Variants in MDN1 observed in about 807,000 individuals in gnomAD.
The protein encoded by MDN1 is midasin.
Under a neutral mutation model 669.2 loss-of-function variants are expected in MDN1, and 266 were observed. That is an observed-to-expected ratio of 0.40 (90% CI 0.36 to 0.44). The LOEUF is 0.44. MDN1 is among the 20% of genes least tolerant of loss of function. MDN1 has a pLI of 1.00. For synonymous variants in MDN1, 2,385 were observed against 2,457.1 expected, an observed-to-expected ratio of 0.97 and a Z score of 0.87; for missense variants, 5,940 against 6,754.0, an observed-to-expected ratio of 0.88 and a Z score of 4.22.
chr6:89,809,892 A>C (rs928237638), intron 1 of MDN1, among the ~76,000 whole-genome samples: 22 of 147,138 alleles, frequency 1.5e-4, no homozygotes, highest in Non-Finnish European at 2.7e-4. Context: ...ATGAGGCTAG[A>C]GTTGGGGGAA....
chr6:89,707,456 C>T lies in MDN1; in HGVS notation c.7919G>A (p.Arg2640Gln), dbSNP rs184227056. 30 of 1,611,810 alleles carry T rather than the reference C, an allele frequency of 1.9e-5. No individual in the cohort carries two copies. Among genetic ancestry groups the T allele is most frequent in the Middle Eastern group, 1.7e-4 (1 of 6,058 alleles). Residue 2640 changes from arginine (R) to glutamine (Q), a missense_variant, in exon 52 of 102, where the codon CGG becomes CAG. Physicochemically the swap from Arg to Gln is conservative, Grantham distance 43. Around this residue, in one of 5 missense-constraint regions of MDN1, gnomAD observed 2,292 missense variants for 2,638.3 expected, o/e 0.87. Transcript: ENST00000369393. ...AANKTIIYLD[R>Q]EKRVFTEANL... Reference sequence around the variant, plus strand: ...TGCTTCAGTAAAAACCCGTTTTTCCCGGTCAAGATATATGATTGTCCTGGA... The same window carrying T: ...TGCTTCAGTAAAAACCCGTTTTTCCTGGTCAAGATATATGATTGTCCTGGA...
At chr6:89,688,868 C>G (rs180791529) in intron 65 of MDN1, 60 bp from the exon 66 acceptor site, 6 of 1,408,900 alleles carry the variant, frequency 4.3e-6, no homozygotes, top group Non-Finnish European at 5.9e-6. Flanking sequence ...ATCAACATGT[C>G]AAAAAGATGT....
At position 89,794,559 on chromosome 6, in the gene MDN1, A is replaced by C; in HGVS notation, c.554+18T>G. The C allele has an allele frequency of 1.2e-6, 2 of 1,610,512 alleles. No homozygotes were observed. Among genetic ancestry groups the C allele is most frequent in the Non-Finnish European group, 1.7e-6 (2 of 1,178,264 alleles). On this transcript the variant is annotated intron_variant, in intron 3 of 101. Coordinates refer to ENST00000369393, the MANE Select transcript of MDN1 (RefSeq NM_014611.3). ...CATCCCCACACTAGAAGTGCAAAAAAGTCTAACAGCTACGCACCAGCGAAC... is the reference window on the plus strand; with the variant it reads ...CATCCCCACACTAGAAGTGCAAAAACGTCTAACAGCTACGCACCAGCGAAC...
At position 89,731,677 on chromosome 6, in the gene MDN1, G is replaced by A. The variant is rs1021452254; in HGVS notation, c.4943-754C>T. Among the ~76,000 whole-genome samples the A allele has an allele frequency of 3.3e-5, 5 of 152,028 alleles. No individual in the cohort carries two copies. In the East Asian group the frequency reaches 9.6e-4, roughly 29 times the overall value. On this transcript the variant is annotated intron_variant, in intron 34 of 101. Transcript: ENST00000369393. ...TAATGCATGAGGAGCTTAAAACCTA[G>A]ATGACGGGTTGATGGGTGCGGCAAA...
At chr6:89,780,349 T>C in intron 10 of MDN1, 56 bp from the exon 11 acceptor site, 1 of 1,122,706 alleles carries the variant, frequency 8.9e-7, no homozygotes, top group Admixed American at 2.7e-5. Flanking sequence ...GCCAAAGACA[T>C]CAAAGGCATC....
At chr6:89,720,124 G>A (rs527343896) in intron 40 of MDN1, among the ~76,000 whole-genome samples, 12 of 152,110 alleles carry the variant, frequency 7.9e-5, no homozygotes, top group African/African-American at 2.9e-4. Context: ...AAATAATATA[G>A]ATAAAATCAT....
In MDN1 at chr6:89,673,278, TA is replaced by T; in HGVS notation, c.13431del (p.Phe4477LeufsTer46). 1 of 1,614,206 alleles carries T rather than the reference TA, an allele frequency of 6.2e-7. No homozygotes were observed. Among genetic ancestry groups the T allele is most frequent in the Non-Finnish European group, 8.5e-7 (1 of 1,180,032 alleles). ...RGEISKAMAD[F>X]TTWKTHLLTS... is the part of the protein sequence containing the mutation. Reference sequence around the variant, plus strand: ...GTAAGCAGATGGGTCTTCCAGGTAGTAAAGTCAGCCATGGCTTTACTAATTT... The same window carrying T: ...GTAAGCAGATGGGTCTTCCAGGTAGTAAGTCAGCCATGGCTTTACTAATTT... On this transcript the variant is annotated frameshift_variant, in exon 80 of 102. Coordinates refer to ENST00000369393, the MANE Select transcript of MDN1 (RefSeq NM_014611.3). LOFTEE classifies it high-confidence loss of function.
Position 89,655,933 on chromosome 6 carries a change from T to C in MDN1, c.15321A>G (p.Glu5107=). Residue 5107 remains glutamate (E), a synonymous_variant, in exon 92 of 102, where the codon GAA becomes GAG. Coordinates refer to ENST00000369393, the MANE Select transcript of MDN1 (RefSeq NM_014611.3). ...FKRKPGQADN[E]RSMGDHNERV... is the part of the protein sequence containing the mutation. ...GCTCATTGTGATCACCCATGGAACGTTCATTGTCAGCCTGCCCAGGTTTCC... is the reference window on the plus strand; with the variant it reads ...GCTCATTGTGATCACCCATGGAACGCTCATTGTCAGCCTGCCCAGGTTTCC... 1 of 1,614,040 alleles carries C rather than the reference T, an allele frequency of 6.2e-7. No homozygotes were observed. The highest frequency in any genetic ancestry group is 8.5e-7 in the Non-Finnish European group (1 of 1,180,020).
At chr6:89,804,454 G>C (rs539144824) in intron 1 of MDN1, among the ~76,000 whole-genome samples, 17 of 152,156 alleles carry the variant, frequency 1.1e-4, no homozygotes, top group African/African-American at 3.9e-4. Context: ...AAAGCTACAC[G>C]ACTTATCTGA....
chr6:89,657,858 T>C (rs1562043392), intron 90 of MDN1, among the ~76,000 whole-genome samples: 1 of 152,226 alleles, frequency 6.6e-6, no homozygotes, highest in Non-Finnish European at 1.5e-5. Flanking sequence ...AATACTTACA[T>C]TGTGTTACAA....
intron 1 of MDN1, among the ~76,000 whole-genome samples, chr6:89,818,320 CAAAAAAAAAAAAA>C (rs60891640): frequency 1.5e-5 from 1 of 67,840 alleles, no homozygotes; most frequent in Non-Finnish European, 2.6e-5. Flanking sequence ...GCCTCCGTCT[CAAAAAAAAAAAAA>C]AAAAAAAAAA....
chr6:89,708,980 T>TTAA (rs1554184028), intron 50 of MDN1, among the ~76,000 whole-genome samples: 1 of 144,654 alleles, frequency 6.9e-6, no homozygotes, highest in African/African-American at 2.6e-5. Context: ...ACCATTAGCT[T>TTAA]AAAAAAAAAA....
At chr6:89,684,219 T>C (rs918686174) in intron 71 of MDN1, among the ~76,000 whole-genome samples, 2 of 152,124 alleles carry the variant, frequency 1.3e-5, no homozygotes, top group Non-Finnish European at 2.9e-5. Flanking sequence ...GGCTTGCACC[T>C]GTAGTCCCAG....
chr6:89,769,670 A>G (rs1383707678), intron 15 of MDN1, among the ~76,000 whole-genome samples: 1 of 152,214 alleles, frequency 6.6e-6, no homozygotes, highest in Non-Finnish European at 1.5e-5. Context: ...ACAAGGAAAA[A>G]CAGATATATT....
At chr6:89,776,488 A>T in intron 12 of MDN1, 112 bp downstream of exon 12, 1 of 725,914 alleles carries the variant, frequency 1.4e-6, no homozygotes, top group South Asian at 2.0e-5. Flanking sequence ...AACTTTTACA[A>T]AAGAGGTACC....
rs1207677336 is a variant in MDN1 at position 89,740,338 on chromosome 6, C to G, written c.4489G>C (p.Gly1497Arg). Reference sequence around the variant, plus strand: ...TCACTATCCTTGTCCTCTGGACTGCCTTTTTCAGCTAATACCAGAGACTTT... The same window carrying G: ...TCACTATCCTTGTCCTCTGGACTGCGTTTTTCAGCTAATACCAGAGACTTT... Reference protein sequence around the residue: ...VEKSLVLAEKGSPEDKDSEIE... With the variant: ...VEKSLVLAEKRSPEDKDSEIE... The change falls in exon 32 of 102, where the codon GGC becomes CGC. Residue 1497 changes from glycine (G) to arginine (R), a missense_variant. By Grantham distance (125) the Gly-to-Arg change is moderately radical. Coordinates refer to ENST00000369393, the MANE Select transcript of MDN1 (RefSeq NM_014611.3). The G allele has an allele frequency of 1.1e-5, 17 of 1,592,274 alleles. No homozygotes were observed. The highest frequency in any genetic ancestry group is 1.4e-5 in the Non-Finnish European group (17 of 1,174,164).
At position 89,718,815 on chromosome 6, in the gene MDN1, A is replaced by G. The variant is rs1019429770; in HGVS notation, c.6273T>C (p.Ala2091=). ...HLTGHTLKIM[A]MNSAMDTTEL... is the part of the protein sequence containing the mutation. ...CAGTAGTATCCATTGCACTGTTCAT[A>G]GCCATGATCTTTAATGTGTGGCCAG... The change falls in exon 42 of 102, where the codon GCT becomes GCC. Residue 2091 remains alanine (A), a synonymous_variant. Coordinates refer to ENST00000369393, the MANE Select transcript of MDN1 (RefSeq NM_014611.3). 6.2e-7 allele frequency: 1 copy of G among 1,614,230 alleles called. No individual in the cohort carries two copies. Among genetic ancestry groups the G allele is most frequent in the Non-Finnish European group, 8.5e-7 (1 of 1,180,052 alleles).
At position 89,645,028 on chromosome 6, in the gene MDN1, T is replaced by C. The variant is rs377727844; in HGVS notation, c.16589A>G (p.Asn5530Ser). Residue 5530 changes from asparagine (N) to serine (S), a missense_variant, in exon 101 of 102, where the codon AAT becomes AGT. Around this residue, in one of 5 missense-constraint regions of MDN1, gnomAD observed 2,280 missense variants for 2,576.3 expected, o/e 0.88. Transcript: ENST00000369393. ...GTAGTCACTCACCCGTGAACTGGGA[T>C]TGTCCAATACAACAAAGATGACAAA... ...NIFVIFVVLDNPSSRDSILDI... is the reference protein window; with the variant it reads ...NIFVIFVVLDSPSSRDSILDI... The C allele has an allele frequency of 6.3e-7, 1 of 1,594,858 alleles. No individual in the cohort carries two copies. The highest frequency in any genetic ancestry group is 8.6e-7 in the Non-Finnish European group (1 of 1,163,894).
At chr6:89,772,168 G>A (rs1337144433) in intron 14 of MDN1, among the ~76,000 whole-genome samples, 1 of 152,004 alleles carries the variant, frequency 6.6e-6, no homozygotes, top group Non-Finnish European at 1.5e-5. Context: ...TCCTACCTCA[G>A]ATCTGAGGTA....
Sources: gnomAD v4.1 joint callset for allele counts (sites outside exome capture counted in the v4.1 genomes callset) on GRCh38, gnomAD v4.1.1 for gene constraint, gnomAD v4.1.1 regional missense constraint, MANE v1.5 for transcripts, NCBI Gene and HGNC (gene_info 2026-07-23, HGNC 2026-07-21) for gene names.